Variants in CCDC141 observed in about 807,000 individuals in gnomAD.
CCDC141 encodes the protein coiled-coil domain-containing protein 141.
In CCDC141, 168 loss-of-function variants were observed where a neutral mutation model predicts 181.0. The ratio of observed to expected loss-of-function variants is 0.93; its 90% CI spans 0.82 to 1.05. The LOEUF (loss-of-function observed/expected upper bound fraction) is 1.05. Ranked by LOEUF, CCDC141 falls within the 50% of genes least tolerant of loss-of-function variation. The pLI is 0.00. For synonymous variants in CCDC141, 666 were observed against 642.3 expected (o/e 1.04, Z -0.56); for missense variants, 1,902 against 1,788.5 (o/e 1.06, Z -1.14).
At chr2:179,030,039 C>G (rs1463668458) in intron 2 of CCDC141, among the ~76,000 whole-genome samples, 2 of 152,030 alleles carry the variant, frequency 1.3e-5, no homozygotes, top group African/African-American at 4.8e-5. Context: ...TCTCTAAGCA[C>G]AATACATTAA....
At chr2:178,998,545 C>T (rs1476981382) in intron 2 of CCDC141, among the ~76,000 whole-genome samples, 2 of 152,124 alleles carry the variant, frequency 1.3e-5, no homozygotes, top group South Asian at 2.1e-4. Flanking sequence ...CTGTCCCCAT[C>T]ATCTTACTGA....
chr2:179,033,786 A>T (rs1012979751), intron 2 of CCDC141, among the ~76,000 whole-genome samples: 3 of 152,152 alleles, frequency 2.0e-5, no homozygotes, highest in Non-Finnish European at 2.9e-5. Flanking sequence ...TAATAGCTGG[A>T]GACTACAGGC....
At chr2:179,019,747 A>G (rs969641915) in intron 2 of CCDC141, among the ~76,000 whole-genome samples, 5 of 152,170 alleles carry the variant, frequency 3.3e-5, no homozygotes, top group African/African-American at 1.2e-4. Context: ...GATCATTTTT[A>G]TAAATATTTA....
chr2:179,042,727 G>A (rs2043348234), intron 2 of CCDC141, among the ~76,000 whole-genome samples: 1 of 152,136 alleles, frequency 6.6e-6, no homozygotes, highest in African/African-American at 2.4e-5. Flanking sequence ...AGTATGAAGT[G>A]AGAAATTTAT....
At chr2:178,828,312 A>C (rs1429870903), downstream of CCDC141, among the ~76,000 whole-genome samples, 2 of 152,172 alleles carry the variant, frequency 1.3e-5, no homozygotes, top group Non-Finnish European at 2.9e-5. Flanking sequence ...TTGCGTAGCC[A>C]GTTTATCCCT....
intron 22 of CCDC141, among the ~76,000 whole-genome samples, chr2:178,839,471 G>C (rs1575115835): frequency 6.7e-6 from 1 of 149,270 alleles, no homozygotes; most frequent in Non-Finnish European, 1.5e-5. Context: ...AGCTACTTTG[G>C]GAAGCTGAAG....
At chr2:178,845,506 A>T in intron 22 of CCDC141, 120 bp downstream of exon 22, 2 of 648,630 alleles carry the variant, frequency 3.1e-6, no homozygotes, top group Admixed American at 2.6e-5. Flanking sequence ...TTGCATTTAC[A>T]CTGGGAAATT....
chr2:179,022,984 G>A (rs903027915), intron 2 of CCDC141, among the ~76,000 whole-genome samples: 3 of 152,118 alleles, frequency 2.0e-5, no homozygotes, highest in Non-Finnish European at 2.9e-5. Flanking sequence ...AAATAAGTGG[G>A]ATCTCATACT....
intron 8 of CCDC141, among the ~76,000 whole-genome samples, chr2:178,892,330 A>G (rs1687196344): frequency 6.6e-6 from 1 of 151,828 alleles, no homozygotes; most frequent in Admixed American, 6.6e-5. Context: ...TGTGGCTTAG[A>G]TCCTTTTCTC....
intron 6 of CCDC141, among the ~76,000 whole-genome samples, chr2:178,919,576 C>T (rs1355244423): frequency 6.6e-6 from 1 of 152,172 alleles, no homozygotes; most frequent in African/African-American, 2.4e-5. Flanking sequence ...CAATGAACAA[C>T]AGTTTTAAAT....
chr2:179,002,237 C>A, intron 2 of CCDC141: 1 of 245,060 alleles, frequency 4.1e-6, no homozygotes, highest in South Asian at 5.0e-5. Context: ...AAGGTTTTCC[C>A]ATGAAGCAGG....
At chr2:178,963,897 C>T (rs1226851393) in intron 4 of CCDC141, among the ~76,000 whole-genome samples, 1 of 122,860 alleles carries the variant, frequency 8.1e-6, no homozygotes, top group Non-Finnish European at 1.7e-5. Flanking sequence ...CCACAGAATT[C>T]AACCAGGTGA....
chr2:178,973,929 G>A (rs1173566103), intron 4 of CCDC141, among the ~76,000 whole-genome samples: 2 of 152,102 alleles, frequency 1.3e-5, no homozygotes, highest in Non-Finnish European at 2.9e-5. Context: ...ATAATAATGG[G>A]CAACTGTTGC....
Position 179,029,066 on chromosome 2 carries a change from C to T in CCDC141, c.225+18218G>A, listed in dbSNP as rs528301185. The stretch of plus-strand genomic sequence containing the variant: ...TTTGCTGACAGAGATCTTCATGTGC[C>T]CCATGTGTATTTTGCTTATATTTGT... On this transcript the variant is annotated intron_variant, in intron 2 of 23. Coordinates refer to ENST00000443758, the MANE Select transcript of CCDC141 (RefSeq NM_173648.4). Among the ~76,000 whole-genome samples, 49 of 152,180 alleles carry T rather than the reference C, an allele frequency of 3.2e-4. No homozygotes were observed. The Middle Eastern group carries it at 0.017, about 53-fold the overall frequency.
intron 10 of CCDC141, among the ~76,000 whole-genome samples, chr2:178,885,696 C>T (rs1686852177): frequency 6.6e-6 from 1 of 152,066 alleles, no homozygotes; most frequent in Non-Finnish European, 1.5e-5. Context: ...ACTCCAACCA[C>T]TGATTAAATG....
At chr2:179,026,491 T>G (rs2042848751) in intron 2 of CCDC141, among the ~76,000 whole-genome samples, 1 of 152,192 alleles carries the variant, frequency 6.6e-6, no homozygotes, top group Non-Finnish European at 1.5e-5. Context: ...AGAGGATGTA[T>G]GGAAACACCT....
chr2:179,027,646 C>CAAAAAAAAAAAAAAAAAA (rs71023466), intron 2 of CCDC141, among the ~76,000 whole-genome samples: 28 of 53,274 alleles, frequency 5.3e-4, no homozygotes, highest in Admixed American at 7.0e-4. Context: ...CTCTTACTCT[C>CAAAAAAAAAAAAAAAAAA]AAAAAAAAAA....
At position 178,961,465 on chromosome 2, in the gene CCDC141, A is replaced by G. The variant is rs1335515971; in HGVS notation, c.545T>C (p.Leu182Ser). 1 of 1,549,986 alleles carries G rather than the reference A, an allele frequency of 6.5e-7. No individual in the cohort carries two copies. The highest frequency in any genetic ancestry group is 1.2e-5 in the South Asian group (1 of 83,986). ...HHTKELLERS[L>S]ALLNKSQQLT... ...TTGTTGACTTTTGTTTAAAAGGGCT[A>G]AAGACCGTTCCAAGAGTTCTAGAAG... The change falls in exon 5 of 24, where the codon TTA (leucine) becomes TCA (serine). Residue 182 changes from leucine (L) to serine (S), a missense_variant. Transcript: ENST00000443758.
chr2:178,878,573 C>T (rs1051089843), intron 11 of CCDC141, among the ~76,000 whole-genome samples: 3 of 148,714 alleles, frequency 2.0e-5, no homozygotes, highest in Non-Finnish European at 4.4e-5. Flanking sequence ...CCTGTCTTGG[C>T]CTGTCAAAGT....
Sources: gnomAD v4.1 joint callset for allele counts (sites outside exome capture counted in the v4.1 genomes callset) on GRCh38, gnomAD v4.1.1 for gene constraint, MANE v1.5 for transcripts, NCBI Gene and HGNC (gene_info 2026-07-23, HGNC 2026-07-21) for gene names.